The following MAD1L1 variants were observed in gnomAD, a reference collection of about 807,000 sequenced individuals.
MAD1L1 encodes mitotic arrest deficient 1 like 1, also known as mitotic spindle assembly checkpoint protein MAD1.
Under a neutral mutation model 96.9 loss-of-function variants are expected in MAD1L1, and 95 were observed. The observed-to-expected ratio is 0.98, with a 90% CI of 0.83 to 1.16. MAD1L1 has a LOEUF of 1.16. MAD1L1 is among the 50% of genes most tolerant of loss of function. MAD1L1 has a pLI of 0.00. For missense variants in MAD1L1, 1,007 were observed against 954.4 expected (o/e 1.06, Z -0.73); for synonymous variants, 473 against 396.6 (o/e 1.19, Z -2.29).
chr7:1,874,101 G>A (rs1179018809), intron 18 of MAD1L1, among the ~76,000 whole-genome samples: 3 of 152,226 alleles, frequency 2.0e-5, no homozygotes, highest in Non-Finnish European at 4.4e-5. Context: ...TCCCGGGACG[G>A]TGTTCCAGGC....
In MAD1L1 at chr7:1,838,867, A is replaced by G. The variant is rs573897197; in HGVS notation, c.1999-22639T>C. The G allele has an allele frequency of 6.6e-5, 31 of 471,372 alleles. 1 individual carries two copies. Among genetic ancestry groups the G allele is most frequent in the South Asian group, 2.5e-4 (16 of 64,562 alleles). The allele number at this position is 471,372 out of a possible 1,614,324, so 29.2% of individuals were successfully genotyped here. Reference sequence around the variant, plus strand: ...TGGCCGAGAAGAAGGTATGACTGACAGGTAAGACTACCTAAGGTTCCAGGC... The same window carrying G: ...TGGCCGAGAAGAAGGTATGACTGACGGGTAAGACTACCTAAGGTTCCAGGC... On this transcript the variant is annotated intron_variant, in intron 18 of 18. Coordinates refer to ENST00000265854, the MANE Select transcript of MAD1L1 (RefSeq NM_001013836.2).
At chr7:1,932,586 G>A (rs184068999) in intron 17 of MAD1L1, among the ~76,000 whole-genome samples, 2 of 152,310 alleles carry the variant, frequency 1.3e-5, no homozygotes, top group East Asian at 3.9e-4. Flanking sequence ...GACTGATCCC[G>A]GATCCTTTGA....
At chr7:2,078,367 G>A (rs929334273) in intron 11 of MAD1L1, among the ~76,000 whole-genome samples, 4 of 152,202 alleles carry the variant, frequency 2.6e-5, no homozygotes, top group Admixed American at 1.3e-4. Context: ...CCCTCGCTGC[G>A]AATGGGCAGG....
chr7:1,880,069 T>A (rs1398737421), intron 18 of MAD1L1, among the ~76,000 whole-genome samples: 2 of 152,082 alleles, frequency 1.3e-5, no homozygotes, highest in African/African-American at 4.8e-5. Flanking sequence ...GGTAATTCAA[T>A]CAGGAAAGGA....
chr7:1,931,027 G>A (rs1183743340), intron 17 of MAD1L1, among the ~76,000 whole-genome samples: 2 of 151,764 alleles, frequency 1.3e-5, no homozygotes, highest in East Asian at 1.9e-4. Flanking sequence ...TGGGGTCCAC[G>A]TCAAGGGTCT....
chr7:2,185,322 A>C (rs1408517756), intron 10 of MAD1L1, among the ~76,000 whole-genome samples: 1 of 152,224 alleles, frequency 6.6e-6, no homozygotes, highest in Non-Finnish European at 1.5e-5. Flanking sequence ...TGGTAATAGA[A>C]ATCAGAACAG....
At chr7:2,189,453 T>G (rs1791615741) in intron 10 of MAD1L1, among the ~76,000 whole-genome samples, 1 of 152,224 alleles carries the variant, frequency 6.6e-6, no homozygotes, top group Non-Finnish European at 1.5e-5. Context: ...AACAGAATAT[T>G]ACTCAGCCTT....
intron 12 of MAD1L1, among the ~76,000 whole-genome samples, chr7:2,029,124 C>A (rs1184116388): frequency 1.3e-5 from 2 of 152,150 alleles, no homozygotes; most frequent in Non-Finnish European, 2.9e-5. Flanking sequence ...AAAGCTGCTA[C>A]AGAATGAGAG....
At chr7:1,823,998 T>C (rs1455760572) in intron 18 of MAD1L1, among the ~76,000 whole-genome samples, 1 of 152,058 alleles carries the variant, frequency 6.6e-6, no homozygotes, top group East Asian at 1.9e-4. Flanking sequence ...GGAGCCCATT[T>C]GTGGGGGGAC....
chr7:1,872,876 C>T (rs1380657145), intron 18 of MAD1L1: 1 of 152,258 alleles, frequency 6.6e-6, no homozygotes, highest in Non-Finnish European at 1.5e-5. Flanking sequence ...GTCAATAAAA[C>T]GTCAACGCTT....
chr7:1,837,916 C>T (rs767961538), intron 18 of MAD1L1, among the ~76,000 whole-genome samples: 1 of 152,332 alleles, frequency 6.6e-6, no homozygotes, highest in East Asian at 1.9e-4. Context: ...AACAGGGAAG[C>T]CCTGGCAGGA....
intron 13 of MAD1L1, among the ~76,000 whole-genome samples, chr7:2,010,492 C>T (rs758347392): frequency 2.0e-5 from 3 of 152,096 alleles, no homozygotes; most frequent in Non-Finnish European, 2.9e-5. Flanking sequence ...GCGTGCACTG[C>T]GTATTTATAG....
At chr7:1,857,737 A>T (rs1217522965) in intron 18 of MAD1L1, among the ~76,000 whole-genome samples, 1 of 151,986 alleles carries the variant, frequency 6.6e-6, no homozygotes, top group African/African-American at 2.4e-5. Flanking sequence ...GGGCCGGGGG[A>T]CGTCCTGGTC....
intron 15 of MAD1L1, among the ~76,000 whole-genome samples, chr7:1,972,875 T>G (rs970086868): frequency 6.6e-6 from 1 of 152,194 alleles, no homozygotes; most frequent in Non-Finnish European, 1.5e-5. Flanking sequence ...TATTGCCCAG[T>G]GTACTTATTT....
chr7:1,862,195 A>C (rs1161576320), intron 18 of MAD1L1, among the ~76,000 whole-genome samples: 1 of 152,146 alleles, frequency 6.6e-6, no homozygotes, highest in Non-Finnish European at 1.5e-5. Context: ...TTCGGGAGCC[A>C]GGTTACTCCG....
At chr7:2,087,361 G>A (rs1274172100) in intron 11 of MAD1L1, among the ~76,000 whole-genome samples, 7 of 152,118 alleles carry the variant, frequency 4.6e-5, no homozygotes, top group South Asian at 2.1e-4. Flanking sequence ...CCAACATGGC[G>A]AAACCCTGTC....
At chr7:2,060,317 C>T (rs369648204) in intron 12 of MAD1L1, among the ~76,000 whole-genome samples, 20 of 146,598 alleles carry the variant, frequency 1.4e-4, no homozygotes, top group South Asian at 6.8e-4. Context: ...CGAGATACGC[C>T]GATGCTGAGA....
intron 10 of MAD1L1, among the ~76,000 whole-genome samples, chr7:2,212,720 G>C (rs1793040724): frequency 6.6e-6 from 1 of 152,178 alleles, no homozygotes; most frequent in South Asian, 2.1e-4. Flanking sequence ...TACAGCTGCA[G>C]AAGCGTGAGC....
chr7:1,913,451 G>C (rs544064997), intron 17 of MAD1L1, among the ~76,000 whole-genome samples: 3 of 10,156 alleles, frequency 3.0e-4, no homozygotes, highest in Admixed American at 1.1e-3. Context: ...GAAGGGAACC[G>C]TCGGGGGAGG....
Sources: allele counts gnomAD v4.1 joint callset (sites outside exome capture counted in the v4.1 genomes callset), GRCh38; gene constraint gnomAD v4.1.1; transcripts MANE v1.5; gene names NCBI Gene and HGNC (gene_info 2026-07-23, HGNC 2026-07-21).